Variants in MAP9 observed in about 807,000 individuals in gnomAD.
The protein encoded by MAP9 is microtubule-associated protein 9.
Under a neutral mutation model 75.2 loss-of-function variants are expected in MAP9, and 80 were observed. The ratio of observed to expected loss-of-function variants is 1.06; its 90% CI spans 0.89 to 1.28. The LOEUF is 1.28. MAP9 is among the 50% of genes most tolerant of loss of function. The probability of loss-of-function intolerance (pLI) is 0.00; values close to 1 mark genes in which losing one functional copy is unlikely to be tolerated. For missense variants in MAP9, 753 were observed against 719.9 expected (o/e 1.05, Z -0.53); for synonymous variants, 235 against 237.3 (o/e 0.99, Z 0.09).
At position 155,347,477 on chromosome 4, in the gene MAP9, ATACAGAGCTTAATGAAAAAGAT is replaced by A. The variant is rs1731325706; in HGVS notation, c.*284_*305del. The A allele has an allele frequency of 4.5e-6, 1 of 220,778 alleles. No homozygotes were observed. Among genetic ancestry groups the A allele is most frequent in the Admixed American group, 5.7e-5 (1 of 17,588 alleles). The allele number at this position is 220,778 out of a possible 1,614,324, so 13.7% of individuals were successfully genotyped here. On this transcript the variant is annotated 3_prime_UTR_variant, in exon 14 of 14. Transcript: ENST00000311277. ...CTGGAATTAAATATACTTAAATAACATACAGAGCTTAATGAAAAAGATCATGAATCACTCCACCATAAGAATT... is the reference window on the plus strand; with the variant it reads ...CTGGAATTAAATATACTTAAATAACACATGAATCACTCCACCATAAGAATT...
At position 155,368,539 on chromosome 4, in the gene MAP9, A is replaced by C. The variant is rs202117293; in HGVS notation, c.708+47T>G. 19 of 1,429,692 alleles carry C rather than the reference A, an allele frequency of 1.3e-5. No homozygotes were observed. In the East Asian group the frequency reaches 4.1e-4, roughly 31 times the overall value. The allele number at this position is 1,429,692 out of a possible 1,614,324, so 88.6% of individuals were successfully genotyped here. On this transcript the variant is annotated intron_variant, in intron 5 of 13. Transcript: ENST00000311277. Reference sequence around the variant, plus strand: ...TCTCTTTTTCATAATCAGATAAAAAAGCATAAATTCAAGAACACAATTCAA... The same window carrying C: ...TCTCTTTTTCATAATCAGATAAAAACGCATAAATTCAAGAACACAATTCAA...
chr4:155,357,255 T>C (rs978544385), intron 8 of MAP9, 194 bp downstream of exon 8: 5 of 549,936 alleles, frequency 9.1e-6, no homozygotes, highest in Non-Finnish European at 1.6e-5. Context: ...ACTTACTTTT[T>C]ATAAATTACT....
chr4:155,342,899 T>C lies in MAP9; in HGVS notation c.*4884A>G, dbSNP rs557623811. 3.9e-5 allele frequency: 6 copies of C among 152,136 alleles called. No individual in the cohort carries two copies. Among genetic ancestry groups the C allele is most frequent in the Admixed American group, 2.0e-4 (3 of 15,248 alleles). 9.4% of individuals were successfully genotyped at this position (152,136 alleles called of 1,614,324 possible). Reference sequence around the variant, plus strand: ...ATTTATAAATTCTTATTTAATTTTATAGCTTTAATGCGGTCCATCATTTCT... The same window carrying C: ...ATTTATAAATTCTTATTTAATTTTACAGCTTTAATGCGGTCCATCATTTCT... On this transcript the variant is annotated 3_prime_UTR_variant, in exon 14 of 14. Coordinates refer to ENST00000311277, the MANE Select transcript of MAP9 (RefSeq NM_001039580.2).
At chr4:155,373,040 C>A (rs1026574387) in intron 4 of MAP9, 96 bp downstream of exon 4, 3 of 767,920 alleles carry the variant, frequency 3.9e-6, no homozygotes, top group Non-Finnish European at 3.9e-6. Context: ...GTCTTTTTTT[C>A]TTAAATATAT....
In MAP9 at chr4:155,353,015, CTT is replaced by C. The variant is rs781210007; in HGVS notation, c.1583_1584del (p.Lys528ArgfsTer4). The part of the protein sequence containing the change: ...KWKEKKMEYL[K>X]EKNRKEREYE... ...TATTCTCTCTCCTTTCTATTTTTCT[CTT>C]TAAGATATTCCATCTTTTTCTCTTT... On this transcript the variant is annotated frameshift_variant, in exon 12 of 14. Transcript: ENST00000311277. LOFTEE classifies it high-confidence loss of function. 1.3e-6 allele frequency: 2 copies of C among 1,541,818 alleles called. No homozygotes were observed. Among genetic ancestry groups the C allele is most frequent in the Non-Finnish European group, 1.8e-6 (2 of 1,137,570 alleles).
chr4:155,360,154 AT>A lies in MAP9; in HGVS notation c.1050+13del, dbSNP rs1395725476. On this transcript the variant is annotated intron_variant, in intron 7 of 13. Coordinates refer to ENST00000311277, the MANE Select transcript of MAP9 (RefSeq NM_001039580.2). ...TTAAGCTGTAGTATGAAAAGTATGA[AT>A]TTTTACAAATACCTTTGAAGATGCT... The A allele has an allele frequency of 1.3e-5, 21 of 1,601,270 alleles. No homozygotes were observed. Among genetic ancestry groups the A allele is most frequent in the Non-Finnish European group, 1.7e-5 (20 of 1,170,606 alleles).
At position 155,375,906 on chromosome 4, in the gene MAP9, TGATAGTAGCTGAAATATACA is replaced by T; in HGVS notation, c.-64-12_-57del. The T allele has an allele frequency of 8.7e-7, 1 of 1,148,348 alleles. No homozygotes were observed. Among genetic ancestry groups the T allele is most frequent in the Non-Finnish European group, 1.3e-6 (1 of 773,968 alleles). The allele number at this position is 1,148,348 out of a possible 1,614,324, so 71.1% of individuals were successfully genotyped here. A position where few individuals can be genotyped will look rare whatever the true frequency, so the allele number is the denominator to read the frequency against. On this transcript the variant is annotated splice_acceptor_variant and splice_polypyrimidine_tract_variant and 5_prime_UTR_variant and intron_variant, in exon 2 of 14. Coordinates refer to ENST00000311277, the MANE Select transcript of MAP9 (RefSeq NM_001039580.2). LOFTEE classifies it low-confidence loss of function (5UTR_SPLICE). ...TAGCTAATTATTAGAATTCAACTTC[TGATAGTAGCTGAAATATACA>T]AAACAAATCAGACTTCGCATGCTTC...
chr4:155,351,913 T>G (rs1449559640), intron 13 of MAP9, among the ~76,000 whole-genome samples: 1 of 152,004 alleles, frequency 6.6e-6, no homozygotes, highest in Non-Finnish European at 1.5e-5. Context: ...TGTTACCTAC[T>G]TATGTAAAGT....
At chr4:155,372,982 T>C (rs753444009) in intron 4 of MAP9, 154 bp downstream of exon 4, 21 of 525,768 alleles carry the variant, frequency 4.0e-5, no homozygotes, top group Non-Finnish European at 5.1e-5. Flanking sequence ...GTCTGTAAAA[T>C]TGAAGTTAGA....
At chr4:155,371,243 A>G (rs1248290580) in intron 4 of MAP9, among the ~76,000 whole-genome samples, 1 of 152,184 alleles carries the variant, frequency 6.6e-6, no homozygotes, top group South Asian at 2.1e-4. Context: ...GCTACTCAGC[A>G]ATATCTCACC....
At chr4:155,351,881 ATGTTAACTATTCATATGAATG>A (rs1553965370) in intron 13 of MAP9, among the ~76,000 whole-genome samples, 1 of 151,960 alleles carries the variant, frequency 6.6e-6, no homozygotes, top group Non-Finnish European at 1.5e-5. Flanking sequence ...TCATATGAAT[ATGTTAACTATTCATATGAATG>A]TGTTACCTAC....
chr4:155,369,009 G>A (rs1214286814), intron 4 of MAP9, among the ~76,000 whole-genome samples, 197 bp from the exon 5 acceptor site: 10 of 152,158 alleles, frequency 6.6e-5, no homozygotes, highest in South Asian at 4.2e-4. Flanking sequence ...TAATCAGGCC[G>A]GACGCGGTGG....
chr4:155,355,154 A>T lies in MAP9; in HGVS notation c.1297T>A (p.Leu433Ile). 3 of 1,219,672 alleles carry T rather than the reference A, an allele frequency of 2.5e-6. No homozygotes were observed. In the South Asian group the frequency reaches 4.4e-5, roughly 18 times the overall value. 75.6% of individuals were successfully genotyped at this position (1,219,672 alleles called of 1,614,324 possible). A position where few individuals can be genotyped will look rare whatever the true frequency, so the allele number is the denominator to read the frequency against. ...TGTAAATACACATTTTTCTTTTCTA[A>T]CCACTCCTATAAGAACAAGAAAAAG... The part of the protein sequence containing the change: ...NIRAAVYQEW[L>I]EKKNVYLHEM... The change falls in exon 10 of 14, where the codon TTA becomes ATA. Residue 433 changes from leucine to isoleucine, a missense_variant. Leu to Ile is a conservative substitution (Grantham distance 5). Coordinates refer to ENST00000311277, the MANE Select transcript of MAP9 (RefSeq NM_001039580.2).
At chr4:155,367,096 C>G (rs760268126) in intron 5 of MAP9, among the ~76,000 whole-genome samples, 4 of 152,148 alleles carry the variant, frequency 2.6e-5, no homozygotes, top group Admixed American at 6.5e-5. Flanking sequence ...GTTTAACATA[C>G]GAACATTAAT....
rs1308048968 is a variant in MAP9, at chr4:155,344,794, ATAC to A, written c.*2986_*2988del. On this transcript the variant is annotated 3_prime_UTR_variant, in exon 14 of 14. Transcript: ENST00000311277. ...CATTATTATGAAATTTAAATTCTGTATACTACTTTATTATTTAGTATTAATATT... is the reference window on the plus strand; with the variant it reads ...CATTATTATGAAATTTAAATTCTGTATACTTTATTATTTAGTATTAATATT... The A allele has an allele frequency of 3.3e-5, 5 of 152,094 alleles. No individual in the cohort carries two copies. The highest frequency in any genetic ancestry group is 6.6e-5 in the Admixed American group (1 of 15,260). 9.4% of individuals were successfully genotyped at this position (152,094 alleles called of 1,614,324 possible). A position where few individuals can be genotyped will look rare whatever the true frequency, so the allele number is the denominator to read the frequency against.
intron 3 of MAP9, 87 bp downstream of exon 3, chr4:155,374,850 G>T (rs1732766955): frequency 2.8e-6 from 2 of 716,374 alleles, no homozygotes; most frequent in Non-Finnish European, 2.2e-6. Context: ...CGTGATTGAG[G>T]GGATGGGTGG....
rs997001902 is a variant in MAP9, at chr4:155,366,283, T to C, written c.708+2303A>G. Among the ~76,000 whole-genome samples the C allele has an allele frequency of 9.3e-5, 14 of 150,542 alleles. No individual in the cohort carries two copies. In the East Asian group the frequency reaches 9.8e-4, roughly 11 times the overall value. The stretch of plus-strand genomic sequence containing the variant: ...CTGAAGCAGGAGAATGGAGTGAACC[T>C]GGGAGGCAGAGCTTGCAGTGAGCTG... On this transcript the variant is annotated intron_variant, in intron 5 of 13. Transcript: ENST00000311277.
chr4:155,348,095 G>A (rs557078989), intron 13 of MAP9, among the ~76,000 whole-genome samples, 190 bp from the exon 14 acceptor site: 7 of 152,160 alleles, frequency 4.6e-5, no homozygotes, highest in Non-Finnish European at 8.8e-5. Context: ...CAGAACTTTA[G>A]GAGACTAAGG....
Position 155,342,726 on chromosome 4 carries a change from C to A in MAP9, c.*5057G>T, listed in dbSNP as rs1318009758. 6.6e-6 allele frequency: 1 copy of A among 151,894 alleles called. No homozygotes were observed. Among genetic ancestry groups the A allele is most frequent in the Non-Finnish European group, 1.5e-5 (1 of 67,912 alleles). The allele number at this position is 151,894 out of a possible 1,614,324, so 9.4% of individuals were successfully genotyped here. On this transcript the variant is annotated 3_prime_UTR_variant, in exon 14 of 14. Transcript: ENST00000311277. ...GACATTACAAAGTGACCCGTGACAT[C>A]TTTTTTAATCTTGCACACGCACTGC...
Sources: gnomAD v4.1 joint callset for allele counts (sites outside exome capture counted in the v4.1 genomes callset) on GRCh38, gnomAD v4.1.1 for gene constraint, MANE v1.5 for transcripts, NCBI Gene and HGNC (gene_info 2026-07-23, HGNC 2026-07-21) for gene names.